Variants in DNA2 observed in about 807,000 individuals in gnomAD.
DNA2 encodes the protein DNA replication helicase/nuclease 2.
DNA2 carries 101 observed loss-of-function variants against 119.1 expected under a neutral mutation model. The ratio of observed to expected loss-of-function variants is 0.85; its 90% CI spans 0.72 to 1.00. The LOEUF is 1.00. Ranked by LOEUF, DNA2 falls within the 50% of genes least tolerant of loss-of-function variation. The pLI is 0.00. For synonymous variants in DNA2, 366 were observed against 424.4 expected (o/e 0.86, Z 1.69); for missense variants, 1,121 against 1,255.5 (o/e 0.89, Z 1.62).
Position 68,459,131 on chromosome 10 carries a change from G to A in DNA2, c.692C>T (p.Thr231Ile). The A allele has an allele frequency of 6.2e-7, 1 of 1,600,428 alleles. No homozygotes were observed. Among genetic ancestry groups the A allele is most frequent in the Admixed American group, 1.7e-5 (1 of 57,938 alleles). Reference sequence around the variant, plus strand: ...AGAGAGCTGCATCTGAGGGAAGTCAGTCGAAGTGTTTTTATGCATGAAATC... The same window carrying A: ...AGAGAGCTGCATCTGAGGGAAGTCAATCGAAGTGTTTTTATGCATGAAATC... Reference protein sequence around the residue: ...AGDFMHKNTSTDFPQMQLSLP... With the variant: ...AGDFMHKNTSIDFPQMQLSLP... Residue 231 changes from threonine (T) to isoleucine (I), a missense_variant, in exon 5 of 21, where the codon ACT becomes ATT. Transcript: ENST00000358410.
At chr10:68,427,832 G>C (rs2051763222) in intron 14 of DNA2, among the ~76,000 whole-genome samples, 1 of 152,102 alleles carries the variant, frequency 6.6e-6, no homozygotes, top group Non-Finnish European at 1.5e-5. Context: ...GGGAGCTCAA[G>C]ACCAGCCTGG....
chr10:68,472,384 T>C (rs7478105), upstream of DNA2, among the ~76,000 whole-genome samples: 32,897 of 152,022 alleles, frequency 0.22, 4,415 homozygotes, highest in African/African-American at 0.36. Context: ...TCAGAAAACT[T>C]ATTGAGAAAA....
chr10:68,432,302 C>G lies in DNA2; in HGVS notation c.1777G>C (p.Asp593His). ...GGTTCACGAAAGTCAATAATTAAAT[C>G]TCGAAGTTTTTTGCTGAAAAGTGAA... ...ENTFVSKKLR[D>H]LIIDFREPQF... Residue 593 changes from aspartate (D) to histidine (H), a missense_variant, in exon 12 of 21, where the codon GAT (aspartate) becomes CAT (histidine). Coordinates refer to ENST00000358410, the MANE Select transcript of DNA2 (RefSeq NM_001080449.3). 1 of 1,600,494 alleles carries G rather than the reference C, an allele frequency of 6.2e-7. No individual in the cohort carries two copies.
At chr10:68,454,151 A>C (rs1322828) in intron 5 of DNA2, among the ~76,000 whole-genome samples, 147,709 of 152,230 alleles carry the variant, frequency 0.97, 71,674 homozygotes, top group East Asian at 0.99. Flanking sequence ...CCCACATTTT[A>C]TCCACCAGCA....
chr10:68,441,057 GCA>G (rs1346636949), intron 9 of DNA2, among the ~76,000 whole-genome samples: 1 of 151,920 alleles, frequency 6.6e-6, no homozygotes, highest in Non-Finnish European at 1.5e-5. Flanking sequence ...ATTAGCCATG[GCA>G]CAGTGGCTCG....
chr10:68,439,138 T>C (rs1034783596), intron 9 of DNA2, among the ~76,000 whole-genome samples: 3 of 151,714 alleles, frequency 2.0e-5, no homozygotes, highest in African/African-American at 7.3e-5. Context: ...CTCACACCTG[T>C]AATCTCAGCA....
At chr10:68,419,236 T>C (rs374196750) in intron 18 of DNA2, 23 bp from the exon 19 acceptor site, 7 of 1,485,848 alleles carry the variant, frequency 4.7e-6, no homozygotes, top group Non-Finnish European at 6.3e-6. Context: ...AGACACAATT[T>C]AAAAGAAAGA....
At chr10:68,452,020 TC>T (rs1220555884) in intron 5 of DNA2, among the ~76,000 whole-genome samples, 1 of 152,180 alleles carries the variant, frequency 6.6e-6, no homozygotes, top group Non-Finnish European at 1.5e-5. Context: ...TATGTATCCT[TC>T]CAGAATAGTT....
chr10:68,433,778 T>C (rs533826504), intron 10 of DNA2, among the ~76,000 whole-genome samples: 1 of 152,322 alleles, frequency 6.6e-6, no homozygotes, highest in South Asian at 2.1e-4. Context: ...TAAGACATTC[T>C]ATGACCTGAT....
intron 14 of DNA2, among the ~76,000 whole-genome samples, chr10:68,426,067 C>T (rs1257992699): frequency 6.6e-6 from 1 of 151,838 alleles, no homozygotes; most frequent in Non-Finnish European, 1.5e-5. Flanking sequence ...ACCTAGGAGG[C>T]AGAGGTTACA....
intron 6 of DNA2, among the ~76,000 whole-genome samples, chr10:68,448,863 T>TGCCTCCCTGGTTTGAGCAATTCTCA: frequency 6.6e-6 from 1 of 152,174 alleles, no homozygotes; most frequent in East Asian, 1.9e-4. Context: ...CTACAACCTC[T>TGCCTCCCTGGTTTGAGCAATTCTCA]GCCTCCCTGG....
In DNA2 at chr10:68,422,761, G is replaced by A. The variant is rs1003323248; in HGVS notation, c.2338C>T (p.Arg780Trp). Residue 780 changes from arginine (R) to tryptophan (W), a missense_variant, in exon 15 of 21, where the codon CGG becomes TGG. Physicochemically the swap from Arg to Trp is moderately radical, Grantham distance 101. Coordinates refer to ENST00000358410, the MANE Select transcript of DNA2 (RefSeq NM_001080449.3). ...TGGTCCCCCACTAACACAAATCTCC[G>A]TGAAAAAAAAAGGGGGCCCAGACAA... is the stretch of plus-strand genomic sequence containing the variant. Reference protein sequence around the residue: ...PICLGPLFFSRRFVLVGDHQQ... With the variant: ...PICLGPLFFSWRFVLVGDHQQ... 15 of 1,605,372 alleles carry A rather than the reference G, an allele frequency of 9.3e-6. No homozygotes were observed. Among genetic ancestry groups the A allele is most frequent in the Admixed American group, 6.9e-5 (4 of 57,728 alleles).
chr10:68,439,188 A>G (rs2051932779), intron 9 of DNA2, among the ~76,000 whole-genome samples: 1 of 151,530 alleles, frequency 6.6e-6, no homozygotes, highest in South Asian at 2.1e-4. Flanking sequence ...TGAGGTTGAG[A>G]GTTCAAGACC....
intron 4 of DNA2, among the ~76,000 whole-genome samples, chr10:68,462,389 T>A (rs2052271554): frequency 6.6e-6 from 1 of 152,130 alleles, no homozygotes. Flanking sequence ...ACAGCAAAAA[T>A]GAATATACAT....
intron 5 of DNA2, among the ~76,000 whole-genome samples, chr10:68,452,448 A>T (rs1462216667): frequency 6.6e-6 from 1 of 152,162 alleles, no homozygotes; most frequent in Non-Finnish European, 1.5e-5. Flanking sequence ...TGCTTTTATT[A>T]AATTAGGCAA....
chr10:68,428,935 A>G (rs2133373913), intron 14 of DNA2, among the ~76,000 whole-genome samples: 1 of 152,240 alleles, frequency 6.6e-6, no homozygotes, highest in Admixed American at 6.5e-5. Flanking sequence ...GACTTGCAAG[A>G]TGTCACCACT....
At chr10:68,443,690 T>A (rs1351081848) in intron 8 of DNA2, among the ~76,000 whole-genome samples, 1 of 152,204 alleles carries the variant, frequency 6.6e-6, no homozygotes, top group Non-Finnish European at 1.5e-5. Context: ...GGCTCATGCC[T>A]ATAATTCTAG....
At position 68,437,244 on chromosome 10, in the gene DNA2, A is replaced by G. The variant is rs200763780; in HGVS notation, c.1416-3T>C. ...CAATGCAACTGCCACTCTTCTCCCT[A>G]TGAAAAGACCAAAGAGAAAAAAACT... On this transcript the variant is annotated splice_polypyrimidine_tract_variant and splice_region_variant and intron_variant, in intron 9 of 20. Transcript: ENST00000358410. 1 of 1,593,338 alleles carries G rather than the reference A, an allele frequency of 6.3e-7. No homozygotes were observed. Among genetic ancestry groups the G allele is most frequent in the East Asian group, 2.3e-5 (1 of 44,438 alleles).
At chr10:68,464,158 T>A (rs2052296411) in intron 4 of DNA2, among the ~76,000 whole-genome samples, 3 of 152,200 alleles carry the variant, frequency 2.0e-5, no homozygotes, top group Admixed American at 2.0e-4. Context: ...CAAAGTCTCA[T>A]ATATTGCCAG....
Sources: gnomAD v4.1 joint callset for allele counts (sites outside exome capture counted in the v4.1 genomes callset) on GRCh38, gnomAD v4.1.1 for gene constraint, MANE v1.5 for transcripts, NCBI Gene and HGNC (gene_info 2026-07-23, HGNC 2026-07-21) for gene names.